PDE8A: variants seen among roughly 807,000 people sequenced by gnomAD.
The protein encoded by PDE8A is phosphodiesterase 8A.
Under a neutral mutation model 105.0 loss-of-function variants are expected in PDE8A, and 59 were observed. That is an observed-to-expected ratio of 0.56 (90% CI 0.46 to 0.70). The LOEUF is 0.70. PDE8A is among the 30% of genes least tolerant of loss of function. PDE8A has a pLI of 0.00. For missense variants in PDE8A, 1,014 were observed against 1,045.9 expected (o/e 0.97, Z 0.42); for synonymous variants, 355 against 371.9 (o/e 0.95, Z 0.52).
At chr15:85,012,846 T>C (rs909665596) in intron 1 of PDE8A, among the ~76,000 whole-genome samples, 1 of 152,196 alleles carries the variant, frequency 6.6e-6, no homozygotes, top group African/African-American at 2.4e-5. Flanking sequence ...TACCCAGTTA[T>C]ACAATTTACC....
At chr15:85,107,638 G>T (rs1347947683) in intron 11 of PDE8A, among the ~76,000 whole-genome samples, 1 of 152,130 alleles carries the variant, frequency 6.6e-6, no homozygotes, top group African/African-American at 2.4e-5. Flanking sequence ...CTACCTTATG[G>T]TACATGCTGT....
At chr15:85,017,760 A>G (rs2080350885) in intron 1 of PDE8A, among the ~76,000 whole-genome samples, 1 of 151,448 alleles carries the variant, frequency 6.6e-6, no homozygotes, top group African/African-American at 2.4e-5. Context: ...GGTGGTGGGC[A>G]CCTGTAATCC....
chr15:85,019,943 GTTTTTTTTTTT>G (rs201634002), intron 1 of PDE8A, among the ~76,000 whole-genome samples: 13 of 64,764 alleles, frequency 2.0e-4, no homozygotes, highest in African/African-American at 5.7e-4. Context: ...TTTTTTTTTG[GTTTTTTTTTTT>G]TTTTTTTTTT....
chr15:85,064,281 T>A, intron 1 of PDE8A, 89 bp from the exon 2 acceptor site: 1 of 895,262 alleles, frequency 1.1e-6, no homozygotes, highest in Non-Finnish European at 1.8e-6. Context: ...AAATTTTGCT[T>A]TCATTTTTGG....
intron 1 of PDE8A, among the ~76,000 whole-genome samples, chr15:85,056,946 G>A (rs1254526198): frequency 6.6e-6 from 1 of 152,152 alleles, no homozygotes; most frequent in Non-Finnish European, 1.5e-5. Context: ...CATCTTTGTG[G>A]TTTTATCTAC....
At chr15:85,109,189 C>T (rs2081986901) in intron 12 of PDE8A, 59 bp downstream of exon 12, 3 of 1,157,696 alleles carry the variant, frequency 2.6e-6, no homozygotes, top group East Asian at 2.4e-5. Context: ...CACATGGAGC[C>T]CTGCCCTGCC....
intron 1 of PDE8A, among the ~76,000 whole-genome samples, chr15:85,009,561 G>A (rs151169764): frequency 1.3e-3 from 197 of 152,260 alleles, no homozygotes; most frequent in African/African-American, 4.5e-3. Context: ...GGGACTATTG[G>A]CCATTGTATT....
intron 1 of PDE8A, 151 bp from the exon 2 acceptor site, chr15:85,064,219 C>A: frequency 1.7e-6 from 1 of 576,438 alleles, no homozygotes; most frequent in South Asian, 2.4e-5. Flanking sequence ...CCTTAGGATT[C>A]CTCATAATCA....
Position 85,136,644 on chromosome 15 carries a change from C to T in PDE8A, c.2364C>T (p.Asp788=). 6.2e-7 allele frequency: 1 copy of T among 1,613,652 alleles called. No individual in the cohort carries two copies. The highest frequency in any genetic ancestry group is 1.7e-4 in the Middle Eastern group (1 of 5,894). The change falls in exon 21 of 22, where the codon GAC becomes GAT. Residue 788 remains aspartate (D), a synonymous_variant. Transcript: ENST00000394553. ...CTTTCATTGATTACTTCATCACAGA[C>T]ATGTTTGATGCTTGGGATGGTAAGA... ...QISFIDYFIT[D]MFDAWDAFVD...
intron 1 of PDE8A, among the ~76,000 whole-genome samples, chr15:85,029,416 C>CTTT (rs34741081): frequency 0.078 from 10,944 of 139,582 alleles, 1,252 homozygotes; most frequent in African/African-American, 0.25. Flanking sequence ...CCTCACGGGT[C>CTTT]TTTTTTTTTT....
intron 1 of PDE8A, among the ~76,000 whole-genome samples, chr15:85,046,858 G>A (rs767121512): frequency 2.1e-4 from 32 of 152,164 alleles, no homozygotes; most frequent in South Asian, 6.2e-4. Context: ...TTAGGCAAAC[G>A]AAATCAAAAC....
At chr15:85,002,964 A>G (rs2080089631) in intron 1 of PDE8A, among the ~76,000 whole-genome samples, 2 of 152,226 alleles carry the variant, frequency 1.3e-5, no homozygotes, top group Admixed American at 6.5e-5. Context: ...TTCTTATTAT[A>G]TCACAACTAT....
At chr15:85,066,285 G>T (rs967494556) in intron 2 of PDE8A, among the ~76,000 whole-genome samples, 7 of 152,128 alleles carry the variant, frequency 4.6e-5, no homozygotes, top group Admixed American at 1.3e-4. Flanking sequence ...ATATGGCCAG[G>T]TGCAGTGGCT....
chr15:85,113,450 G>T lies in PDE8A; in HGVS notation c.1185+3G>T. 1 of 1,612,852 alleles carries T rather than the reference G, an allele frequency of 6.2e-7. No homozygotes were observed. Among genetic ancestry groups the T allele is most frequent in the Non-Finnish European group, 8.5e-7 (1 of 1,178,818 alleles). ...CAATTGAGGCGCCCATCACCAAGGTGAAGCAGTTTGTGGTCTGTCTCCATT... is the reference window on the plus strand; with the variant it reads ...CAATTGAGGCGCCCATCACCAAGGTTAAGCAGTTTGTGGTCTGTCTCCATT... On this transcript the variant is annotated splice_donor_region_variant and intron_variant, in intron 13 of 21. Transcript: ENST00000394553.
intron 1 of PDE8A, among the ~76,000 whole-genome samples, chr15:84,995,186 C>G (rs2142162564): frequency 1.3e-5 from 2 of 152,296 alleles, no homozygotes; most frequent in South Asian, 4.1e-4. Flanking sequence ...ACATTATTTT[C>G]ATTCCAGAAA....
chr15:85,038,683 C>T (rs2080749870), intron 1 of PDE8A, among the ~76,000 whole-genome samples: 1 of 152,046 alleles, frequency 6.6e-6, no homozygotes, highest in South Asian at 2.1e-4. Flanking sequence ...GCCAAAGGAC[C>T]TGAATAGACA....
chr15:85,114,036 C>G lies in PDE8A; in HGVS notation c.1349C>G (p.Ser450Cys). 2 of 1,612,452 alleles carry G rather than the reference C, an allele frequency of 1.2e-6. No individual in the cohort carries two copies. The highest frequency in any genetic ancestry group is 3.3e-4 in the Middle Eastern group (2 of 6,056). ...AATGACCTTGTTGGGGGCTTAATGT[C>G]TGTAAGTATATTTGACTAGACTCTT... ...HANDLVGGLMSDGLRRLSGNE... is the reference protein window; with the variant it reads ...HANDLVGGLMCDGLRRLSGNE... Residue 450 changes from serine to cysteine, a missense_variant and splice_region_variant, in exon 14 of 22, where the codon TCT becomes TGT. Physicochemically the swap from Ser to Cys is moderately radical, Grantham distance 112. Transcript: ENST00000394553.
chr15:85,134,067 G>A (rs936402413), intron 20 of PDE8A, among the ~76,000 whole-genome samples: 2 of 152,232 alleles, frequency 1.3e-5, no homozygotes, highest in Admixed American at 6.5e-5. Flanking sequence ...GAGGGCATGG[G>A]CCACAGTTTG....
At chr15:85,001,642 C>T (rs1390551397) in intron 1 of PDE8A, among the ~76,000 whole-genome samples, 1 of 152,168 alleles carries the variant, frequency 6.6e-6, no homozygotes, top group African/African-American at 2.4e-5. Context: ...GTGGCTTCAC[C>T]TTGTTGGGCA....
Sources: allele counts gnomAD v4.1 joint callset (sites outside exome capture counted in the v4.1 genomes callset), GRCh38; gene constraint gnomAD v4.1.1; transcripts MANE v1.5; gene names NCBI Gene and HGNC (gene_info 2026-07-23, HGNC 2026-07-21).